The following DKKL1 variants were observed in gnomAD, a reference collection of about 807,000 sequenced individuals.
DKKL1 encodes dickkopf like acrosomal protein 1.
A neutral mutation model predicts 16.5 loss-of-function variants in DKKL1; 11 were observed. The ratio of observed to expected loss-of-function variants is 0.67; its 90% confidence interval spans 0.42 to 1.10. The LOEUF is 1.10. Ranked by LOEUF, DKKL1 falls within the 50% of genes least tolerant of loss-of-function variation. The probability of loss-of-function intolerance (pLI) is 0.00; values close to 1 mark genes in which losing one functional copy is unlikely to be tolerated. For synonymous variants in DKKL1, 119 were observed against 133.2 expected, an observed-to-expected ratio of 0.89 and a Z score of 0.73; for missense variants, 320 against 308.1, an observed-to-expected ratio of 1.04 and a Z score of -0.29.
Position 49,364,562 on chromosome 19 carries a change from G to T in DKKL1, c.11-20G>T. 6.2e-7 allele frequency: 1 copy of T among 1,601,438 alleles called. No homozygotes were observed. Among genetic ancestry groups the T allele is most frequent in the African/African-American group, 1.3e-5 (1 of 74,880 alleles). On this transcript the variant is annotated intron_variant, in intron 1 of 4. Coordinates refer to ENST00000221498, the MANE Select transcript of DKKL1 (RefSeq NM_014419.4). ...GGGCGTGGCCACTGTGCGGGGCTCT[G>T]ACCCCGACCCTTGCCACAGCCTCCC... is the stretch of plus-strand genomic sequence containing the variant.
chr19:49,374,928 A>G lies in DKKL1; in HGVS notation c.629A>G (p.Lys210Arg), dbSNP rs1192084592. 5.0e-6 allele frequency: 8 copies of G among 1,613,826 alleles called. No homozygotes were observed. Among genetic ancestry groups the G allele is most frequent in the South Asian group, 1.1e-5 (1 of 91,070 alleles). The part of the protein sequence containing the change: ...IRDGLRKGTH[K>R]DVLEEGTESS... Reference sequence around the variant, plus strand: ...GATGGACTCCGCAAGGGGACCCACAAGGACGTCCTAGAAGAGGGGACCGAG... The same window carrying G: ...GATGGACTCCGCAAGGGGACCCACAGGGACGTCCTAGAAGAGGGGACCGAG... The change falls in exon 5 of 5, where the codon AAG (lysine) becomes AGG (arginine). Residue 210 changes from lysine to arginine, a missense_variant. Physicochemically the swap from Lys to Arg is conservative, Grantham distance 26. Transcript: ENST00000221498.
At chr19:49,365,991 G>C (rs1163314279) in intron 4 of DKKL1, 106 bp downstream of exon 4, 4 of 1,050,766 alleles carry the variant, frequency 3.8e-6, no homozygotes, top group Admixed American at 2.7e-5. Flanking sequence ...GCAGTGGCAC[G>C]ATCTTGGCTC....
At chr19:49,370,223 C>A (rs1230025949) in intron 4 of DKKL1, 1 of 152,138 alleles carries the variant, frequency 6.6e-6, no homozygotes, top group Non-Finnish European at 1.5e-5. Flanking sequence ...CTCTGGAAGA[C>A]CTCGCCAATG....
In DKKL1 at chr19:49,364,667, T is replaced by C. The variant is rs775236738; in HGVS notation, c.96T>C (p.Pro32=). 6.2e-7 allele frequency: 1 copy of C among 1,614,160 alleles called. No individual in the cohort carries two copies. The highest frequency in any genetic ancestry group is 1.1e-5 in the South Asian group (1 of 91,080). The change falls in exon 2 of 5, where the codon CCT becomes CCC. Residue 32 remains proline (P), a synonymous_variant. Transcript: ENST00000221498. ...STLVIPSAAA[P]IHDADAQESS... is the part of the protein sequence containing the mutation. ...TGGTGATCCCCTCCGCTGCAGCTCCTATCCATGATGCTGACGCCCAAGAGA... is the reference window on the plus strand; with the variant it reads ...TGGTGATCCCCTCCGCTGCAGCTCCCATCCATGATGCTGACGCCCAAGAGA...
chr19:49,363,534 C>T (rs186581276), upstream of DKKL1: 75 of 319,666 alleles, frequency 2.3e-4, no homozygotes, highest in African/African-American at 1.5e-3. Flanking sequence ...TGGCCCAGTG[C>T]AGGGGCGTGG....
chr19:49,368,488 A>T (rs1488883351), intron 4 of DKKL1, among the ~76,000 whole-genome samples: 2 of 151,038 alleles, frequency 1.3e-5, no homozygotes, highest in Non-Finnish European at 2.9e-5. Context: ...TCTGTCTCAA[A>T]AAATAAATAA....
At chr19:49,369,699 G>C (rs1052904595) in intron 4 of DKKL1, 1 of 152,730 alleles carries the variant, frequency 6.5e-6, no homozygotes, top group Non-Finnish European at 1.5e-5. Context: ...AGAAAGGCTG[G>C]AGGAGAAAGT....
upstream of DKKL1, chr19:49,363,703 T>C: frequency 2.1e-6 from 1 of 482,368 alleles, no homozygotes; most frequent in Non-Finnish European, 3.8e-6. Flanking sequence ...GGGAATGAAC[T>C]CACGGCTCTG....
upstream of DKKL1, chr19:49,363,717 T>G (rs2146753796): frequency 1.2e-5 from 6 of 511,824 alleles, no homozygotes; most frequent in South Asian, 2.0e-5. Flanking sequence ...GGCTCTGGCT[T>G]AAGGGGTGTG....
intron 4 of DKKL1, chr19:49,370,752 T>C (rs946099363): frequency 6.6e-6 from 1 of 152,106 alleles, no homozygotes; most frequent in Non-Finnish European, 1.5e-5. Context: ...CCCCATGTAA[T>C]GTGAAGGCAC....
chr19:49,374,797 G>C lies in DKKL1; in HGVS notation c.498G>C (p.Arg166=). Residue 166 remains arginine (R), a synonymous_variant, in exon 5 of 5, where the codon CGG becomes CGC. Transcript: ENST00000221498. ...GCTTCCACACAGAACTCCATCCCCG[G>C]GTGGCCTTCTGGATCATTAAGCTGC... ...TDSFHTELHP[R]VAFWIIKLPR... 6 of 1,612,380 alleles carry C rather than the reference G, an allele frequency of 3.7e-6. No homozygotes were observed. The highest frequency in any genetic ancestry group is 5.1e-6 in the Non-Finnish European group (6 of 1,178,996).
intron 1 of DKKL1, 129 bp downstream of exon 1, chr19:49,364,137 A>T: frequency 7.9e-7 from 1 of 1,273,856 alleles, no homozygotes; most frequent in Non-Finnish European, 1.1e-6. Context: ...ATCGCTTGAG[A>T]TCAGGAGTTC....
rs1973134082 is a variant in DKKL1 at position 49,363,998 on chromosome 19, T to TATGG, written c.1_4dup (p.Gly2AspfsTer35). On this transcript the variant is annotated 5_prime_UTR_variant, in exon 1 of 5. It adds an upstream start codon to the 5' untranslated region. Transcript: ENST00000221498. ...GCGGAGCCCAGAAGAAGGGGCGGGG[T>TATGG]ATGGGAGAAGGTGAGGATTGAGATC... is the stretch of plus-strand genomic sequence containing the variant. 6.2e-7 allele frequency: 1 copy of TATGG among 1,610,964 alleles called. No individual in the cohort carries two copies. Among genetic ancestry groups the TATGG allele is most frequent in the South Asian group, 1.1e-5 (1 of 90,824 alleles).
At chr19:49,361,693 A>G (rs986086986), upstream of DKKL1, 1 of 152,212 alleles carries the variant, frequency 6.6e-6, no homozygotes, top group Admixed American at 6.6e-5. Flanking sequence ...AACTTTTTCC[A>G]ATACAGTCAG....
intron 4 of DKKL1, among the ~76,000 whole-genome samples, chr19:49,368,535 GT>G (rs199974960): frequency 0.034 from 5,200 of 151,572 alleles, 279 homozygotes; most frequent in African/African-American, 0.12. Context: ...CTACAGAAAA[GT>G]TTTTTTTAAA....
rs772768508 is a variant in DKKL1, at chr19:49,365,517, G to A, written c.192G>A (p.Leu64=). Residue 64 remains leucine (L), a synonymous_variant, in exon 3 of 5, where the codon CTG becomes CTA. Coordinates refer to ENST00000221498, the MANE Select transcript of DKKL1 (RefSeq NM_014419.4). Reference sequence around the variant, plus strand: ...CCCTCCTCCGGCCCCAGGGTAACCTGCTTCGGGGCATAGACAGCTTATTCT... The same window carrying A: ...CCCTCCTCCGGCCCCAGGGTAACCTACTTCGGGGCATAGACAGCTTATTCT... ...GFSRLFLKGN[L]LRGIDSLFSA... 6.2e-7 allele frequency: 1 copy of A among 1,605,112 alleles called. No homozygotes were observed. Among genetic ancestry groups the A allele is most frequent in the Admixed American group, 1.7e-5 (1 of 59,552 alleles).
chr19:49,373,390 A>C (rs1312558688), intron 4 of DKKL1, among the ~76,000 whole-genome samples: 2 of 152,138 alleles, frequency 1.3e-5, no homozygotes, highest in Admixed American at 1.3e-4. Flanking sequence ...CAATGACCCT[A>C]GTTCCAAATA....
At chr19:49,371,432 T>A (rs753809673) in intron 4 of DKKL1, among the ~76,000 whole-genome samples, 5 of 152,214 alleles carry the variant, frequency 3.3e-5, no homozygotes, top group Non-Finnish European at 5.9e-5. Flanking sequence ...TGCGTCATCA[T>A]AGTTACATTT....
chr19:49,365,681 C>T (rs1333612772), intron 3 of DKKL1, 32 bp downstream of exon 3: 5 of 1,599,166 alleles, frequency 3.1e-6, no homozygotes, highest in Non-Finnish European at 4.3e-6. Flanking sequence ...TCCTGAAGTC[C>T]CCTTGGGATC....
Sources: allele counts gnomAD v4.1 joint callset (sites outside exome capture counted in the v4.1 genomes callset), GRCh38; gene constraint gnomAD v4.1.1; transcripts MANE v1.5; gene names NCBI Gene and HGNC (gene_info 2026-07-23, HGNC 2026-07-21).